The following AMPH variants were observed in gnomAD, a reference collection of about 807,000 sequenced individuals.
The protein encoded by AMPH is amphiphysin, also known as amphiphysin (Stiff-Mann syndrome with breast cancer 128kD autoantigen).
Under a neutral mutation model 99.1 loss-of-function variants are expected in AMPH, and 49 were observed. The ratio of observed to expected loss-of-function variants is 0.49; its 90% CI spans 0.39 to 0.63. AMPH has a LOEUF of 0.63. AMPH is among the 20% of genes least tolerant of loss of function. The pLI is 0.00. For synonymous variants in AMPH, 314 were observed against 317.3 expected (o/e 0.99, Z 0.11); for missense variants, 759 against 863.4 (o/e 0.88, Z 1.52).
intron 1 of AMPH, among the ~76,000 whole-genome samples, chr7:38,611,392 C>G (rs1793674603): frequency 6.6e-6 from 1 of 152,226 alleles, no homozygotes; most frequent in Non-Finnish European, 1.5e-5. Context: ...CTGTCCAACA[C>G]TGTACCCTAT....
intron 2 of AMPH, among the ~76,000 whole-genome samples, chr7:38,522,243 T>C (rs1044342573): frequency 3.3e-5 from 5 of 152,216 alleles, no homozygotes; most frequent in African/African-American, 1.2e-4. Flanking sequence ...TATGGCCATA[T>C]ATTAACTGTT....
chr7:38,497,969 T>C (rs553682641), intron 3 of AMPH, among the ~76,000 whole-genome samples: 1 of 152,350 alleles, frequency 6.6e-6, no homozygotes, highest in Admixed American at 6.5e-5. Flanking sequence ...TCCCTGTGTC[T>C]GGCCTCTGCT....
chr7:38,563,197 C>A (rs182597102), intron 1 of AMPH, among the ~76,000 whole-genome samples: 1 of 152,182 alleles, frequency 6.6e-6, no homozygotes, highest in East Asian at 1.9e-4. Context: ...CATGGTTCAC[C>A]CAGGGGCAGC....
chr7:38,432,087 T>A (rs769708268), intron 13 of AMPH, 102 bp downstream of exon 13: 7 of 1,015,512 alleles, frequency 6.9e-6, no homozygotes, highest in Non-Finnish European at 1.1e-5. Flanking sequence ...CATCATTAAA[T>A]GTATGTGTCT....
chr7:38,534,607 T>C (rs570675124), intron 2 of AMPH, among the ~76,000 whole-genome samples: 2 of 152,284 alleles, frequency 1.3e-5, no homozygotes, highest in Admixed American at 6.5e-5. Flanking sequence ...TCCAAGGATG[T>C]TGAGGCTGAA....
In AMPH at chr7:38,395,902, G is replaced by T. The variant is rs545467734; in HGVS notation, c.1399-1688C>A. Among the ~76,000 whole-genome samples the T allele has an allele frequency of 1.1e-4, 16 of 152,182 alleles. No homozygotes were observed. The South Asian group carries it at 1.5e-3, about 14-fold the overall frequency. ...CGTTTCTGCTGGCTCAAAGGTACAG[G>T]TAATAGTTTAAATAAAAATGCCTGT... On this transcript the variant is annotated intron_variant, in intron 17 of 20. Coordinates refer to ENST00000356264, the MANE Select transcript of AMPH (RefSeq NM_001635.4).
intron 11 of AMPH, among the ~76,000 whole-genome samples, chr7:38,457,617 G>A (rs954228381): frequency 6.6e-6 from 1 of 152,162 alleles, no homozygotes; most frequent in African/African-American, 2.4e-5. Context: ...GAGAACAAAT[G>A]GGCTAGAAAA....
In AMPH at chr7:38,407,335, A is replaced by ATCTC. The variant is rs70975099; in HGVS notation, c.1398+10486_1398+10489dup. Among the ~76,000 whole-genome samples, 86 of 140,524 alleles carry ATCTC rather than the reference A, an allele frequency of 6.1e-4. 1 individual carries two copies. Among genetic ancestry groups the ATCTC allele is most frequent in the East Asian group, 8.9e-4 (4 of 4,518 alleles). The allele number at this position is 140,524 out of a possible 152,430, so 92.2% of individuals were successfully genotyped here. On this transcript the variant is annotated intron_variant, in intron 17 of 20. Coordinates refer to ENST00000356264, the MANE Select transcript of AMPH (RefSeq NM_001635.4). ...GAGAGAGAGGAATCTATTAGGGAAAATCTCTCTCTCTCTCTCTTTCTCCCT... is the reference window on the plus strand; with the variant it reads ...GAGAGAGAGGAATCTATTAGGGAAAATCTCTCTCTCTCTCTCTCTCTTTCTCCCT...
intron 1 of AMPH, among the ~76,000 whole-genome samples, chr7:38,600,479 T>TA (rs913874747): frequency 2.0e-5 from 3 of 152,164 alleles, no homozygotes; most frequent in Admixed American, 6.5e-5. Context: ...ATTTTTACCA[T>TA]AAAAAAGGTT....
intron 2 of AMPH, among the ~76,000 whole-genome samples, chr7:38,508,367 T>C (rs915277287): frequency 6.6e-6 from 1 of 152,258 alleles, no homozygotes; most frequent in African/African-American, 2.4e-5. Flanking sequence ...ACCTGTTAAA[T>C]AGGCAATGGC....
intron 2 of AMPH, among the ~76,000 whole-genome samples, chr7:38,529,495 C>T (rs1790314450): frequency 6.6e-6 from 1 of 152,220 alleles, no homozygotes; most frequent in South Asian, 2.1e-4. Flanking sequence ...TGGGTGCGAC[C>T]TGCTGTACCA....
At chr7:38,420,900 T>C in intron 16 of AMPH, 1 of 453,560 alleles carries the variant, frequency 2.2e-6, no homozygotes, top group South Asian at 1.6e-5. Flanking sequence ...GATTACCAAC[T>C]TCACCCCCTA....
At chr7:38,523,687 G>A (rs751683383) in intron 2 of AMPH, among the ~76,000 whole-genome samples, 3 of 152,026 alleles carry the variant, frequency 2.0e-5, no homozygotes, top group Admixed American at 6.6e-5. Context: ...AACATTTTGC[G>A]AAATGATTGT....
chr7:38,564,604 A>G (rs1791663435), intron 1 of AMPH, among the ~76,000 whole-genome samples: 1 of 152,184 alleles, frequency 6.6e-6, no homozygotes, highest in African/African-American at 2.4e-5. Flanking sequence ...ACCCTCAAAG[A>G]TGCTGGGATG....
At chr7:38,599,055 G>A (rs1355183132) in intron 1 of AMPH, among the ~76,000 whole-genome samples, 1 of 152,052 alleles carries the variant, frequency 6.6e-6, no homozygotes. Context: ...ATGTAGCTTT[G>A]ATTTCCTCTC....
At chr7:38,485,213 A>G (rs561813824) in intron 5 of AMPH, among the ~76,000 whole-genome samples, 1 of 151,978 alleles carries the variant, frequency 6.6e-6, no homozygotes, top group South Asian at 2.1e-4. Context: ...AAAAGATCCA[A>G]CTATTTATTG....
chr7:38,405,790 C>G (rs1784969423), intron 17 of AMPH, among the ~76,000 whole-genome samples: 1 of 152,180 alleles, frequency 6.6e-6, no homozygotes, highest in South Asian at 2.1e-4. Flanking sequence ...TTCAATACCC[C>G]ACTGATAGCA....
intron 1 of AMPH, among the ~76,000 whole-genome samples, chr7:38,598,615 G>A (rs1019854138): frequency 2.0e-5 from 3 of 151,938 alleles, no homozygotes; most frequent in African/African-American, 4.8e-5. Context: ...ACAACACAAG[G>A]TCTACTTCCT....
chr7:38,520,492 C>A (rs1157779871), intron 2 of AMPH, among the ~76,000 whole-genome samples: 5 of 152,264 alleles, frequency 3.3e-5, no homozygotes, highest in African/African-American at 1.2e-4. Context: ...TATTAGGCAC[C>A]TAGCAAGTAC....
Sources: allele counts gnomAD v4.1 joint callset (sites outside exome capture counted in the v4.1 genomes callset), GRCh38; gene constraint gnomAD v4.1.1; transcripts MANE v1.5; gene names NCBI Gene and HGNC (gene_info 2026-07-23, HGNC 2026-07-21).